TAS2R1: variants seen among roughly 807,000 people sequenced by gnomAD.
TAS2R1 encodes taste receptor type 2 member 1.
For synonymous variants in TAS2R1, 141 were observed against 134.2 expected (o/e 1.05, Z -0.35); for missense variants, 370 against 353.4 (o/e 1.05, Z -0.38).
chr5:9,639,401 C>T (rs1460061285), intron 2 of TAS2R1, among the ~76,000 whole-genome samples: 3 of 152,108 alleles, frequency 2.0e-5, no homozygotes, highest in African/African-American at 7.2e-5. Context: ...TTTCAGATTC[C>T]CCAGTGGGTA....
chr5:9,737,323 G>T, the TAS2R1 span, among the ~76,000 whole-genome samples: 2 of 152,126 alleles, frequency 1.3e-5, no homozygotes, highest in Admixed American at 1.3e-4. Flanking sequence ...AGCCACTTTG[G>T]CTCTATCACT....
chr5:9,777,861 T>C, the TAS2R1 span, among the ~76,000 whole-genome samples: 1 of 151,486 alleles, frequency 6.6e-6, no homozygotes, highest in African/African-American at 2.4e-5. Flanking sequence ...CCATCAGAGC[T>C]TTTGGGAGGC....
At chr5:9,817,493 G>T in the TAS2R1 span, among the ~76,000 whole-genome samples, 1 of 152,256 alleles carries the variant, frequency 6.6e-6, no homozygotes, top group African/African-American at 2.4e-5. Context: ...AATCACTGAG[G>T]TAACAAGTAT....
the TAS2R1 span, among the ~76,000 whole-genome samples, chr5:9,896,520 C>T: frequency 5.3e-5 from 8 of 152,132 alleles, no homozygotes; most frequent in Non-Finnish European, 7.4e-5. Context: ...CTTCTCTAAC[C>T]GCCGACCCAA....
At chr5:9,880,343 G>C in the TAS2R1 span, among the ~76,000 whole-genome samples, 673 of 152,252 alleles carry the variant, frequency 4.4e-3, 7 homozygotes, top group African/African-American at 0.016. Flanking sequence ...ATGAACTATG[G>C]TACATCAGAA....
At chr5:9,832,275 T>C in the TAS2R1 span, among the ~76,000 whole-genome samples, 1 of 152,206 alleles carries the variant, frequency 6.6e-6, no homozygotes, top group African/African-American at 2.4e-5. Flanking sequence ...GCCCTCCTTA[T>C]TCACATACAA....
chr5:9,855,993 T>G, the TAS2R1 span, among the ~76,000 whole-genome samples: 1 of 152,128 alleles, frequency 6.6e-6, no homozygotes, highest in Non-Finnish European at 1.5e-5. Flanking sequence ...ACAATCAGCA[T>G]AAAGGAAGAA....
chr5:9,677,635 C>T (rs975714401), intron 1 of TAS2R1, among the ~76,000 whole-genome samples: 7 of 152,224 alleles, frequency 4.6e-5, no homozygotes, highest in Admixed American at 4.6e-4. Context: ...CTACTACACA[C>T]CTATTAGAGT....
chr5:9,837,385 G>C, the TAS2R1 span, among the ~76,000 whole-genome samples: 2 of 152,212 alleles, frequency 1.3e-5, no homozygotes, highest in Non-Finnish European at 2.9e-5. Flanking sequence ...TATTTACCAT[G>C]GGGACAGCAA....
At chr5:9,880,010 A>G in the TAS2R1 span, among the ~76,000 whole-genome samples, 2 of 152,192 alleles carry the variant, frequency 1.3e-5, no homozygotes, top group African/African-American at 4.8e-5. Flanking sequence ...AGCAATAAAG[A>G]CAAGGTTACA....
chr5:9,817,632 A>G, the TAS2R1 span, among the ~76,000 whole-genome samples: 1 of 152,212 alleles, frequency 6.6e-6, no homozygotes, highest in Middle Eastern at 3.2e-3. Context: ...TAATGTCTCA[A>G]AGCAAAACAA....
the TAS2R1 span, among the ~76,000 whole-genome samples, chr5:9,836,876 G>T: frequency 1.3e-5 from 2 of 152,138 alleles, no homozygotes; most frequent in African/African-American, 4.8e-5. Context: ...CAAGAAACAT[G>T]CATGAGGATC....
chr5:9,799,907 A>G, the TAS2R1 span, among the ~76,000 whole-genome samples: 1 of 152,228 alleles, frequency 6.6e-6, no homozygotes, highest in Non-Finnish European at 1.5e-5. Flanking sequence ...GTTTTTCGTA[A>G]GATTATTTTG....
At chr5:9,791,858 G>A in the TAS2R1 span, among the ~76,000 whole-genome samples, 1 of 152,184 alleles carries the variant, frequency 6.6e-6, no homozygotes, top group African/African-American at 2.4e-5. Context: ...CATGCAGATA[G>A]AAGGTCCATT....
the TAS2R1 span, among the ~76,000 whole-genome samples, chr5:9,734,217 C>A: frequency 2.6e-5 from 4 of 152,184 alleles, no homozygotes; most frequent in African/African-American, 9.7e-5. Context: ...CATCTGCTGG[C>A]ACCTTGATAT....
the TAS2R1 span, among the ~76,000 whole-genome samples, chr5:9,865,884 T>G: frequency 6.6e-6 from 1 of 152,220 alleles, no homozygotes. Context: ...CATGGTTTTC[T>G]TTGTATTTAT....
chr5:9,636,499 T>C (rs1739967001), intron 2 of TAS2R1, among the ~76,000 whole-genome samples: 1 of 152,132 alleles, frequency 6.6e-6, no homozygotes, highest in Non-Finnish European at 1.5e-5. Flanking sequence ...TTTGTTGACT[T>C]TCTGTCTTGA....
chr5:9,741,711 A>G, the TAS2R1 span, among the ~76,000 whole-genome samples: 1 of 152,144 alleles, frequency 6.6e-6, no homozygotes, highest in South Asian at 2.1e-4. Flanking sequence ...AAGTCTGTAA[A>G]CCAGGCTGAA....
At chr5:9,870,767 T>C in the TAS2R1 span, among the ~76,000 whole-genome samples, 3 of 152,146 alleles carry the variant, frequency 2.0e-5, no homozygotes, top group African/African-American at 7.2e-5. Context: ...TGGAACTGCA[T>C]TTTGAAAGCC....
Sources: gnomAD v4.1 joint callset for allele counts (sites outside exome capture counted in the v4.1 genomes callset) on GRCh38, gnomAD v4.1.1 for gene constraint, MANE v1.5 for transcripts, NCBI Gene and HGNC (gene_info 2026-07-23, HGNC 2026-07-21) for gene names.